Variants in CHD2 observed in about 807,000 individuals in gnomAD.
CHD2 encodes chromodomain helicase DNA binding protein 2.
A neutral mutation model predicts 243.9 loss-of-function variants in CHD2; 28 were observed. The observed-to-expected ratio is 0.11, with a 90% confidence interval of 0.09 to 0.16. CHD2 has a LOEUF of 0.16. CHD2 is among the 10% of genes least tolerant of loss of function. CHD2 has a pLI of 1.00. For synonymous variants in CHD2, 775 were observed against 779.0 expected (o/e 0.99, Z 0.09); for missense variants, 1,386 against 2,209.8 (o/e 0.63, Z 7.47).
intron 1 of CHD2, 94 bp downstream of exon 1, chr15:92,900,918 T>G: frequency 2.4e-6 from 1 of 414,094 alleles, no homozygotes; most frequent in East Asian, 3.7e-5. Flanking sequence ...GATGACGCAA[T>G]AAGATACAGA....
At chr15:92,921,702 A>G (rs1415419389) in intron 2 of CHD2, among the ~76,000 whole-genome samples, 1 of 152,068 alleles carries the variant, frequency 6.6e-6, no homozygotes, top group Non-Finnish European at 1.5e-5. Flanking sequence ...ATATGCTCAG[A>G]TTTCCTGTTT....
chr15:92,900,590 A>AATCT lies in CHD2; in HGVS notation c.-305_-304insTCTA. ...CAGGTCGTTGTTTTTTCCAGCTTAGAAGCCATGGCGCACCTCCATTTTTGT... is the reference window on the plus strand; with the variant it reads ...CAGGTCGTTGTTTTTTCCAGCTTAGAATCTAGCCATGGCGCACCTCCATTTTTGT... On this transcript the variant is annotated 5_prime_UTR_variant, in exon 1 of 39. Coordinates refer to ENST00000394196, the MANE Select transcript of CHD2 (RefSeq NM_001271.4). The AATCT allele has an allele frequency of 2.5e-6, 1 of 398,492 alleles. No individual in the cohort carries two copies. The highest frequency in any genetic ancestry group is 4.4e-6 in the Non-Finnish European group (1 of 226,044). The allele number at this position is 398,492 out of a possible 1,614,324, so 24.7% of individuals were successfully genotyped here. A position where few individuals can be genotyped will look rare whatever the true frequency, so the allele number is the denominator to read the frequency against.
chr15:92,956,412 G>A (rs111412126), intron 15 of CHD2, 47 bp from the exon 16 acceptor site: 2 of 1,441,296 alleles, frequency 1.4e-6, no homozygotes, highest in African/African-American at 2.9e-5. Context: ...AGCACTTGTG[G>A]GTTCCCTTCT....
intron 2 of CHD2, among the ~76,000 whole-genome samples, chr15:92,916,488 C>T (rs1361145364): frequency 3.9e-5 from 6 of 152,158 alleles, no homozygotes; most frequent in Non-Finnish European, 4.4e-5. Flanking sequence ...ATTTATTTGC[C>T]TCGTCCTATA....
At chr15:92,978,091 T>C in intron 20 of CHD2, 143 bp from the exon 21 acceptor site, 1 of 904,356 alleles carries the variant, frequency 1.1e-6, no homozygotes. Context: ...GTCCCTGACA[T>C]TCTTTTAGCC....
At chr15:92,920,973 C>T (rs907062518) in intron 2 of CHD2, among the ~76,000 whole-genome samples, 35 of 151,900 alleles carry the variant, frequency 2.3e-4, no homozygotes, top group East Asian at 1.9e-4. Flanking sequence ...TAACAGCTGC[C>T]GGAGCTTTGG....
intron 22 of CHD2, among the ~76,000 whole-genome samples, 185 bp downstream of exon 22, chr15:92,979,468 C>G (rs371776033): frequency 6.6e-6 from 1 of 152,092 alleles, no homozygotes. Flanking sequence ...CCATCACCCC[C>G]CTTCTTATGT....
At chr15:92,985,715 C>G (rs369778948) in intron 26 of CHD2, 42 bp downstream of exon 26, 3 of 1,572,970 alleles carry the variant, frequency 1.9e-6, no homozygotes, top group Admixed American at 3.4e-5. Flanking sequence ...TTTGAAAGTG[C>G]GTACTGTAAG....
At chr15:92,989,669 A>G (rs1032629440) in intron 26 of CHD2, among the ~76,000 whole-genome samples, 8 of 152,184 alleles carry the variant, frequency 5.3e-5, no homozygotes, top group African/African-American at 1.4e-4. Flanking sequence ...GCACGTTTCA[A>G]TGCTCTGGAA....
chr15:92,945,700 T>C (rs553940789), intron 10 of CHD2, 121 bp from the exon 11 acceptor site: 121 of 588,406 alleles, frequency 2.1e-4, no homozygotes, highest in African/African-American at 1.8e-3. Flanking sequence ...AATCCCATTT[T>C]TTTTTTTTCT....
intron 5 of CHD2, among the ~76,000 whole-genome samples, chr15:92,934,418 G>A (rs1374603067): frequency 6.1e-5 from 7 of 115,344 alleles, no homozygotes; most frequent in African/African-American, 1.9e-4. Context: ...TGTTTTTACA[G>A]TATCTAGGGG....
chr15:93,020,576 G>T (rs1277298474), intron 38 of CHD2: 7 of 531,800 alleles, frequency 1.3e-5, no homozygotes, highest in Non-Finnish European at 2.3e-5. Flanking sequence ...GCCACACTAG[G>T]TATCAGGGAT....
intron 7 of CHD2, among the ~76,000 whole-genome samples, chr15:92,941,394 G>A (rs1348119728): frequency 6.6e-6 from 1 of 151,892 alleles, no homozygotes; most frequent in Non-Finnish European, 1.5e-5. Context: ...CAACATACAG[G>A]GTTGACATTT....
intron 16 of CHD2, among the ~76,000 whole-genome samples, chr15:92,964,608 T>G (rs751571426): frequency 6.6e-6 from 1 of 152,238 alleles, no homozygotes; most frequent in Non-Finnish European, 1.5e-5. Context: ...AAATTCTGTT[T>G]CCTTAGTATA....
At chr15:92,967,968 G>A (rs893497630) in intron 17 of CHD2, among the ~76,000 whole-genome samples, 3 of 151,402 alleles carry the variant, frequency 2.0e-5, no homozygotes, top group Non-Finnish European at 2.9e-5. Context: ...TGTAAGCTCC[G>A]TGCATTTTGC....
At chr15:92,905,032 T>A in intron 2 of CHD2, 1 of 1,520,532 alleles carries the variant, frequency 6.6e-7, no homozygotes, top group Non-Finnish European at 8.8e-7. Context: ...AAGTACTATA[T>A]ATTTAAGATT....
At chr15:92,938,920 C>T (rs1332620383) in intron 6 of CHD2, among the ~76,000 whole-genome samples, 1 of 152,188 alleles carries the variant, frequency 6.6e-6, no homozygotes, top group Non-Finnish European at 1.5e-5. Context: ...TATACACATA[C>T]AGTAAAAACT....
chr15:93,009,247 C>T lies in CHD2; in HGVS notation c.4516C>T (p.Leu1506=). The T allele has an allele frequency of 6.2e-7, 1 of 1,614,226 alleles. No individual in the cohort carries two copies. The highest frequency in any genetic ancestry group is 8.5e-7 in the Non-Finnish European group (1 of 1,180,028). ...ACAGCTGGAACACACCCGGAACTGC[C>T]TGCTGAAAATCGGAGACCGGATAGC... ...QEQLEHTRNC[L]LKIGDRIAEC... Residue 1506 remains leucine (L), a synonymous_variant, in exon 35 of 39, where the codon CTG becomes TTG. Transcript: ENST00000394196.
At chr15:92,954,929 C>T (rs534674592) in intron 14 of CHD2, among the ~76,000 whole-genome samples, 7 of 152,256 alleles carry the variant, frequency 4.6e-5, no homozygotes, top group South Asian at 2.1e-4. Context: ...CGTTATTATA[C>T]GTATTGCATT....
Sources: gnomAD v4.1 joint callset for allele counts (sites outside exome capture counted in the v4.1 genomes callset) on GRCh38, gnomAD v4.1.1 for gene constraint, MANE v1.5 for transcripts, NCBI Gene and HGNC (gene_info 2026-07-23, HGNC 2026-07-21) for gene names.